The following DLC1 variants were observed in gnomAD, a reference collection of about 807,000 sequenced individuals.
DLC1 encodes the protein rho GTPase-activating protein 7.
Under a neutral mutation model 140.3 loss-of-function variants are expected in DLC1, and 54 were observed. The observed-to-expected ratio is 0.38, with a 90% CI of 0.31 to 0.48. The LOEUF (loss-of-function observed/expected upper bound fraction) is 0.48, where lower values mean the gene tolerates loss of function less well. Ranked by LOEUF, DLC1 falls within the 20% of genes least tolerant of loss-of-function variation. DLC1 has a pLI of 0.96. For synonymous variants in DLC1, 986 were observed against 728.1 expected (o/e 1.35, Z -5.70); for missense variants, 2,536 against 1,907.0 (o/e 1.33, Z -6.14).
chr8:13,438,795 C>G (rs1044263130), intron 2 of DLC1, among the ~76,000 whole-genome samples: 1 of 152,130 alleles, frequency 6.6e-6, no homozygotes, highest in African/African-American at 2.4e-5. Context: ...GCCTCCTTTC[C>G]ATGATTACTC....
chr8:13,320,258 C>G (rs2116900287), intron 4 of DLC1, among the ~76,000 whole-genome samples: 1 of 152,258 alleles, frequency 6.6e-6, no homozygotes, highest in South Asian at 2.1e-4. Flanking sequence ...AAATTTCTTG[C>G]TAATATCCAT....
chr8:13,477,622 A>T (rs1800493241), intron 2 of DLC1, among the ~76,000 whole-genome samples: 1 of 152,234 alleles, frequency 6.6e-6, no homozygotes, highest in South Asian at 2.1e-4. Flanking sequence ...ATCTGATTAG[A>T]CTGTGTAGAA....
intron 5 of DLC1, among the ~76,000 whole-genome samples, chr8:13,168,914 A>G (rs1031715750): frequency 1.3e-5 from 2 of 152,214 alleles, no homozygotes; most frequent in Admixed American, 6.5e-5. Flanking sequence ...TGTGGTTATG[A>G]CCGTTGGACA....
intron 1 of DLC1, among the ~76,000 whole-genome samples, chr8:13,514,320 C>T (rs538359525): frequency 1.1e-4 from 16 of 152,058 alleles, no homozygotes; most frequent in African/African-American, 3.4e-4. Flanking sequence ...TCCGACAGCT[C>T]AATTAATAAA....
chr8:13,198,652 G>A (rs969921199), intron 5 of DLC1, among the ~76,000 whole-genome samples: 21 of 151,230 alleles, frequency 1.4e-4, no homozygotes, highest in African/African-American at 5.1e-4. Context: ...ATTTCATAAA[G>A]TATGCTTTGT....
At chr8:13,094,047 C>T (rs978485714) in intron 12 of DLC1, among the ~76,000 whole-genome samples, 9 of 152,142 alleles carry the variant, frequency 5.9e-5, no homozygotes, top group African/African-American at 2.2e-4. Flanking sequence ...AACACACAGA[C>T]ACCTGTGAAA....
chr8:13,252,657 G>T (rs1457289095), intron 5 of DLC1, among the ~76,000 whole-genome samples: 1 of 152,096 alleles, frequency 6.6e-6, no homozygotes, highest in Non-Finnish European at 1.5e-5. Flanking sequence ...AGAAAATGTT[G>T]CAATAATGGA....
intron 14 of DLC1, among the ~76,000 whole-genome samples, chr8:13,090,728 G>A (rs1446366901): frequency 1.3e-5 from 2 of 152,034 alleles, no homozygotes; most frequent in Non-Finnish European, 2.9e-5. Flanking sequence ...GAATTACATT[G>A]GTCAAAGCAG....
intron 2 of DLC1, among the ~76,000 whole-genome samples, chr8:13,422,357 G>A (rs1350003212): frequency 2.0e-5 from 3 of 151,376 alleles, no homozygotes; most frequent in Non-Finnish European, 4.4e-5. Flanking sequence ...AGACCACAAA[G>A]TAGTAAAAGT....
chr8:13,249,799 C>A (rs193025630), intron 5 of DLC1, among the ~76,000 whole-genome samples: 22 of 152,308 alleles, frequency 1.4e-4, no homozygotes, highest in Non-Finnish European at 1.5e-5. Context: ...CTTTCCCATC[C>A]TAAATTATCC....
intron 2 of DLC1, among the ~76,000 whole-genome samples, chr8:13,410,175 A>T (rs1837725581): frequency 6.6e-6 from 1 of 152,136 alleles, no homozygotes. Flanking sequence ...TACAAACAAC[A>T]AAATAAATTA....
chr8:13,298,300 C>T (rs912828610), intron 5 of DLC1, among the ~76,000 whole-genome samples: 3 of 152,176 alleles, frequency 2.0e-5, no homozygotes, highest in Non-Finnish European at 4.4e-5. Flanking sequence ...CCCCTTTACA[C>T]GTTTCTGTGG....
intron 2 of DLC1, among the ~76,000 whole-genome samples, chr8:13,406,198 T>TTTTTTTTTTTTTTTC (rs564377892): frequency 7.0e-6 from 1 of 142,576 alleles, no homozygotes; most frequent in African/African-American, 2.7e-5. Context: ...TTTTTTTTTT[T>TTTTTTTTTTTTTTTC]CAGTGGAGAC....
chr8:13,566,895 A>T (rs1285225467), intron 1 of DLC1: 1 of 1,413,386 alleles, frequency 7.1e-7, no homozygotes, highest in Non-Finnish European at 9.4e-7. Flanking sequence ...AGCTGATGGC[A>T]TTGAGATCCA....
At chr8:13,586,163 C>T (rs1805302911) in intron 1 of DLC1, among the ~76,000 whole-genome samples, 2 of 152,088 alleles carry the variant, frequency 1.3e-5, no homozygotes, top group South Asian at 4.1e-4. Context: ...TGTATAAAAG[C>T]TTCTCAAGTG....
intron 2 of DLC1, among the ~76,000 whole-genome samples, chr8:13,462,057 C>T (rs1158269772): frequency 2.6e-5 from 4 of 152,064 alleles, no homozygotes; most frequent in Non-Finnish European, 5.9e-5. Context: ...ATGGGATGGG[C>T]ACATTATAGG....
intron 5 of DLC1, among the ~76,000 whole-genome samples, chr8:13,209,730 C>G (rs1338758703): frequency 6.6e-6 from 1 of 152,070 alleles, no homozygotes; most frequent in Non-Finnish European, 1.5e-5. Context: ...TGGCACCTCC[C>G]TCCTGTCTCT....
At chr8:13,346,264 G>A (rs959416107) in intron 4 of DLC1, among the ~76,000 whole-genome samples, 16 of 152,302 alleles carry the variant, frequency 1.1e-4, no homozygotes, top group Non-Finnish European at 2.4e-4. Context: ...TCACAGTCGT[G>A]TCAGAAGAGG....
intron 5 of DLC1, among the ~76,000 whole-genome samples, chr8:13,287,742 T>C (rs1831584567): frequency 6.6e-6 from 1 of 152,162 alleles, no homozygotes; most frequent in Admixed American, 6.5e-5. Context: ...CAAGACTAGA[T>C]CGCCGATGAT....
Sources: gnomAD v4.1 joint callset for allele counts (sites outside exome capture counted in the v4.1 genomes callset) on GRCh38, gnomAD v4.1.1 for gene constraint, MANE v1.5 for transcripts, NCBI Gene and HGNC (gene_info 2026-07-23, HGNC 2026-07-21) for gene names.